The following BRINP3 variants were observed in gnomAD, a reference collection of about 807,000 sequenced individuals.
BRINP3 encodes BMP/retinoic acid inducible neural specific 3, also known as BMP/retinoic acid-inducible neural-specific protein 3.
In BRINP3, 19 loss-of-function variants were observed where a neutral mutation model predicts 71.0. That is an observed-to-expected ratio of 0.27 (90% confidence interval 0.19 to 0.39). BRINP3 has a LOEUF of 0.39. Ranked by LOEUF, BRINP3 falls within the 10% of genes least tolerant of loss-of-function variation. The probability of loss-of-function intolerance (pLI) is 1.00; values close to 1 mark genes in which losing one functional copy is unlikely to be tolerated. For missense variants in BRINP3, 959 were observed against 940.8 expected (o/e 1.02, Z -0.25); for synonymous variants, 380 against 337.7 (o/e 1.13, Z -1.37).
intron 2 of BRINP3, among the ~76,000 whole-genome samples, chr1:190,287,461 T>A (rs1240039245): frequency 6.6e-6 from 1 of 152,164 alleles, no homozygotes; most frequent in Non-Finnish European, 1.5e-5. Flanking sequence ...GTAGTAGAGT[T>A]TAATTTTTTT....
chr1:190,456,985 T>C (rs1297826092), intron 1 of BRINP3, among the ~76,000 whole-genome samples: 1 of 152,154 alleles, frequency 6.6e-6, no homozygotes, highest in Non-Finnish European at 1.5e-5. Flanking sequence ...CAAACAGTAC[T>C]TATTTCATCC....
chr1:190,175,591 T>A (rs1000293902), intron 6 of BRINP3, among the ~76,000 whole-genome samples: 4 of 152,102 alleles, frequency 2.6e-5, no homozygotes, highest in African/African-American at 9.7e-5. Flanking sequence ...GCATAAACAG[T>A]CAATAGGTTT....
chr1:190,211,328 C>T (rs1655971074), intron 6 of BRINP3, among the ~76,000 whole-genome samples: 1 of 152,084 alleles, frequency 6.6e-6, no homozygotes, highest in African/African-American at 2.4e-5. Flanking sequence ...CCTACAAGTT[C>T]TGCCCCTCTA....
At chr1:190,282,955 T>A (rs953883277) in intron 2 of BRINP3, among the ~76,000 whole-genome samples, 1 of 151,854 alleles carries the variant, frequency 6.6e-6, no homozygotes, top group African/African-American at 2.4e-5. Context: ...AATAATAAAT[T>A]GCTTGGTGCA....
At chr1:190,116,697 G>A (rs1257978720) in intron 7 of BRINP3, among the ~76,000 whole-genome samples, 1 of 151,872 alleles carries the variant, frequency 6.6e-6, no homozygotes, top group East Asian at 1.9e-4. Flanking sequence ...AATCAAGTGA[G>A]GGAAATATAA....
intron 4 of BRINP3, among the ~76,000 whole-genome samples, chr1:190,250,879 A>C (rs1489436795): frequency 6.6e-6 from 1 of 152,014 alleles, no homozygotes; most frequent in Non-Finnish European, 1.5e-5. Context: ...CATTTTCATA[A>C]GTTTTAATAC....
At chr1:190,137,567 T>A (rs146202306) in intron 7 of BRINP3, among the ~76,000 whole-genome samples, 120 of 152,154 alleles carry the variant, frequency 7.9e-4, no homozygotes, top group African/African-American at 2.7e-3. Context: ...CAGGAGGATG[T>A]GAGATCATAG....
chr1:190,157,466 A>G (rs1389026465), intron 7 of BRINP3, among the ~76,000 whole-genome samples: 1 of 152,050 alleles, frequency 6.6e-6, no homozygotes, highest in African/African-American at 2.4e-5. Context: ...AGCTTCAGAC[A>G]TACATATCCA....
chr1:190,203,821 A>G (rs1655254644), intron 6 of BRINP3, among the ~76,000 whole-genome samples: 1 of 112,096 alleles, frequency 8.9e-6, no homozygotes, highest in African/African-American at 3.3e-5. Flanking sequence ...ATATAAATGA[A>G]AACAAAGGGC....
intron 2 of BRINP3, among the ~76,000 whole-genome samples, chr1:190,450,974 T>C (rs565419202): frequency 6.6e-6 from 1 of 152,224 alleles, no homozygotes; most frequent in African/African-American, 2.4e-5. Flanking sequence ...TCAAGGAACA[T>C]GACTGAAAAG....
At chr1:190,186,142 G>A (rs984827309) in intron 6 of BRINP3, among the ~76,000 whole-genome samples, 4 of 152,078 alleles carry the variant, frequency 2.6e-5, no homozygotes, top group East Asian at 3.9e-4. Flanking sequence ...TTTGGAGGCC[G>A]AGACGGGTGG....
intron 2 of BRINP3, among the ~76,000 whole-genome samples, chr1:190,321,633 C>A (rs939050783): frequency 3.9e-5 from 6 of 152,022 alleles, no homozygotes; most frequent in African/African-American, 1.2e-4. Flanking sequence ...ACTGATTAAA[C>A]AAATTTGGGT....
At chr1:190,200,323 T>A (rs2102608508) in intron 6 of BRINP3, among the ~76,000 whole-genome samples, 1 of 152,222 alleles carries the variant, frequency 6.6e-6, no homozygotes, top group South Asian at 2.1e-4. Flanking sequence ...ATTAGCTCCA[T>A]CTTGAGATAA....
chr1:190,364,349 T>C (rs1215596214), intron 2 of BRINP3, among the ~76,000 whole-genome samples: 2 of 152,126 alleles, frequency 1.3e-5, no homozygotes, highest in African/African-American at 2.4e-5. Context: ...TGTGGTCTTA[T>C]CTAAATGTTC....
At chr1:190,365,326 G>T (rs544122475) in intron 2 of BRINP3, among the ~76,000 whole-genome samples, 7 of 151,902 alleles carry the variant, frequency 4.6e-5, no homozygotes, top group East Asian at 1.9e-4. Context: ...CCATTCCGTT[G>T]TATGCACATT....
intron 2 of BRINP3, among the ~76,000 whole-genome samples, chr1:190,444,239 C>CAAAAAAAAAAAAAAAAAAAAAAAAAA (rs764014934): frequency 1.8e-5 from 1 of 56,310 alleles, no homozygotes; most frequent in Non-Finnish European, 3.1e-5. Context: ...AACTCCGTCT[C>CAAAAAAAAAAAAAAAAAAAAAAAAAA]AAAAAAAAAA....
intron 2 of BRINP3, among the ~76,000 whole-genome samples, chr1:190,380,865 T>A (rs950067121): frequency 3.9e-5 from 6 of 152,112 alleles, no homozygotes; most frequent in African/African-American, 1.4e-4. Context: ...TTAGTGGGGA[T>A]TAATGCCTAG....
At chr1:190,107,724 G>A (rs1652302332) in intron 7 of BRINP3, among the ~76,000 whole-genome samples, 1 of 151,938 alleles carries the variant, frequency 6.6e-6, no homozygotes, top group Non-Finnish European at 1.5e-5. Flanking sequence ...TAGAGTCCAA[G>A]AAAGTGCTTT....
intron 7 of BRINP3, among the ~76,000 whole-genome samples, chr1:190,127,660 G>T (rs1654198921): frequency 6.6e-6 from 1 of 151,788 alleles, no homozygotes; most frequent in South Asian, 2.1e-4. Flanking sequence ...CAAAATAAAA[G>T]TAATGTTGTC....
Sources: gnomAD v4.1 joint callset for allele counts (sites outside exome capture counted in the v4.1 genomes callset) on GRCh38, gnomAD v4.1.1 for gene constraint, MANE v1.5 for transcripts, NCBI Gene and HGNC (gene_info 2026-07-23, HGNC 2026-07-21) for gene names.